The following SLC37A3 variants were observed in gnomAD, a reference collection of about 807,000 sequenced individuals.
SLC37A3 encodes solute carrier family 37 member 3, also known as sugar phosphate exchanger 3.
Under a neutral mutation model 67.1 loss-of-function variants are expected in SLC37A3, and 51 were observed. The observed-to-expected ratio is 0.76, with a 90% CI of 0.61 to 0.96. SLC37A3 has a LOEUF of 0.96. SLC37A3 is among the 40% of genes least tolerant of loss of function. The probability of loss-of-function intolerance (pLI) is 0.00; values close to 1 mark genes in which losing one functional copy is unlikely to be tolerated. For synonymous variants in SLC37A3, 214 were observed against 231.4 expected (o/e 0.92, Z 0.68); for missense variants, 508 against 603.0 (o/e 0.84, Z 1.65).
At chr7:140,386,475 A>ATAATAATAATAATAC (rs1275316182) in intron 1 of SLC37A3, among the ~76,000 whole-genome samples, 3 of 150,986 alleles carry the variant, frequency 2.0e-5, no homozygotes, top group Non-Finnish European at 4.4e-5. Flanking sequence ...AATAATAATA[A>ATAATAATAATAATAC]TACCTTGCAC....
intron 4 of SLC37A3, 85 bp from the exon 5 acceptor site, chr7:140,364,576 A>G: frequency 8.2e-7 from 1 of 1,216,052 alleles, no homozygotes; most frequent in Non-Finnish European, 1.2e-6. Flanking sequence ...AATGAGACAA[A>G]CACAGATATT....
chr7:140,362,586 G>A (rs1226591335), intron 5 of SLC37A3, among the ~76,000 whole-genome samples: 9 of 87,220 alleles, frequency 1.0e-4, no homozygotes, highest in South Asian at 4.5e-4. Context: ...CGCCCCGTCC[G>A]GGAGGTGAGG....
chr7:140,361,336 G>C (rs1162668615), intron 5 of SLC37A3, among the ~76,000 whole-genome samples: 6 of 152,018 alleles, frequency 3.9e-5, no homozygotes, highest in African/African-American at 1.4e-4. Context: ...AAAAAAGTTA[G>C]TCAGGTGTGG....
rs192545915 is a variant in SLC37A3, at chr7:140,369,642, G to A, written c.239C>T (p.Ala80Val). ...SNHLFPSAEK[A>V]TLFLGTLDTI... ...ATCCAGTGTGCCGAGGAAAAGAGTC[G>A]CTTTCTCTGCACTGGGGAACAAATG... is the stretch of plus-strand genomic sequence containing the variant. Residue 80 changes from alanine to valine, a missense_variant, in exon 4 of 15, where the codon GCG becomes GTG. Coordinates refer to ENST00000326232, the MANE Select transcript of SLC37A3 (RefSeq NM_207113.3). 48 of 1,613,964 alleles carry A rather than the reference G, an allele frequency of 3.0e-5. No individual in the cohort carries two copies. Among genetic ancestry groups the A allele is most frequent in the Non-Finnish European group, 3.4e-5 (40 of 1,179,970 alleles).
intron 9 of SLC37A3, among the ~76,000 whole-genome samples, chr7:140,349,026 T>C (rs889929625): frequency 6.6e-6 from 1 of 152,194 alleles, no homozygotes; most frequent in Non-Finnish European, 1.5e-5. Flanking sequence ...CTTAGCTGTG[T>C]CCAGTTTCTC....
At chr7:140,386,537 A>C (rs1798458299) in intron 1 of SLC37A3, among the ~76,000 whole-genome samples, 1 of 151,880 alleles carries the variant, frequency 6.6e-6, no homozygotes, top group Non-Finnish European at 1.5e-5. Context: ...GAGCTCAGGG[A>C]CCCTGGGGTG....
chr7:140,335,136 CG>C lies in SLC37A3; in HGVS notation c.*275del. 7.9e-7 allele frequency: 1 copy of C among 1,267,944 alleles called. No homozygotes were observed. The allele number at this position is 1,267,944 out of a possible 1,614,324, so 78.5% of individuals were successfully genotyped here. ...AACCTCAATAGGCCAAACAAAGACG[CG>C]GGCAGAGTCAGAGGTCAAAGATGCT... On this transcript the variant is annotated 3_prime_UTR_variant, in exon 15 of 15. Coordinates refer to ENST00000326232, the MANE Select transcript of SLC37A3 (RefSeq NM_207113.3).
At chr7:140,352,182 C>T (rs1210724839) in intron 7 of SLC37A3, 36 bp from the exon 8 acceptor site, 1 of 1,304,430 alleles carries the variant, frequency 7.7e-7, no homozygotes, top group East Asian at 4.4e-5. Flanking sequence ...CCTTACATAT[C>T]TGGGGACAGT....
At chr7:140,368,758 C>T (rs1797706082) in intron 4 of SLC37A3, among the ~76,000 whole-genome samples, 2 of 152,130 alleles carry the variant, frequency 1.3e-5, no homozygotes, top group Admixed American at 1.3e-4. Context: ...TCTCCCCAGT[C>T]TCCCCTCTGC....
chr7:140,358,504 C>A lies in SLC37A3; in HGVS notation c.521+136G>T. 1 of 1,233,526 alleles carries A rather than the reference C, an allele frequency of 8.1e-7. No individual in the cohort carries two copies. 76.4% of individuals were successfully genotyped at this position (1,233,526 alleles called of 1,614,324 possible). A position where few individuals can be genotyped will look rare whatever the true frequency, so the allele number is the denominator to read the frequency against. On this transcript the variant is annotated intron_variant, in intron 6 of 14. Transcript: ENST00000326232. ...GCACACTGACGTGAAACCCTCTCTC[C>A]CTGAACAACTCTGACTTGCTAACGA...
chr7:140,366,864 G>A (rs963845463), intron 4 of SLC37A3, among the ~76,000 whole-genome samples: 5 of 152,340 alleles, frequency 3.3e-5, no homozygotes, highest in South Asian at 4.1e-4. Flanking sequence ...GCTGGGCGCA[G>A]TGGCTCACAC....
In SLC37A3 at chr7:140,343,433, G is replaced by A. The variant is rs567907948; in HGVS notation, c.1305C>T (p.Ser435=). ...TCACCTGGCCCACTGCAGCTCCAATGCTCCCCGAACCATCCACAATTCCTG... is the reference window on the plus strand; with the variant it reads ...TCACCTGGCCCACTGCAGCTCCAATACTCCCCGAACCATCCACAATTCCTG... ...TVTGIVDGSG[S]IGAAVGQYLV... The change falls in exon 13 of 15, where the codon AGC becomes AGT. Residue 435 remains serine, a synonymous_variant. Transcript: ENST00000326232. 9.5e-5 allele frequency: 154 copies of A among 1,613,806 alleles called. No homozygotes were observed. In the South Asian group the frequency reaches 1.6e-3, roughly 17 times the overall value.
chr7:140,359,862 A>G (rs1465989866), intron 5 of SLC37A3, among the ~76,000 whole-genome samples: 1 of 152,214 alleles, frequency 6.6e-6, no homozygotes, highest in East Asian at 1.9e-4. Flanking sequence ...CAATATGCTT[A>G]AAAAGGGCAA....
At position 140,382,068 on chromosome 7, in the gene SLC37A3, A is replaced by T. The variant is rs369980737; in HGVS notation, c.89+370T>A. ...TTTTAAAAAAAAAAAAGTACAAAATAAAAAAAAAAATAGATCAGGGCTTCT... is the reference window on the plus strand; with the variant it reads ...TTTTAAAAAAAAAAAAGTACAAAATTAAAAAAAAAATAGATCAGGGCTTCT... On this transcript the variant is annotated intron_variant, in intron 2 of 14. Transcript: ENST00000326232. Among the ~76,000 whole-genome samples, 173 of 148,074 alleles carry T rather than the reference A, an allele frequency of 1.2e-3. 2 individuals carry two copies. In the East Asian group the frequency reaches 0.022, roughly 18 times the overall value.
chr7:140,369,374 T>G (rs1164730090), intron 4 of SLC37A3, among the ~76,000 whole-genome samples: 2 of 152,212 alleles, frequency 1.3e-5, no homozygotes, highest in Non-Finnish European at 2.9e-5. Context: ...TTTTGTGTTG[T>G]TCGGGATAAA....
At chr7:140,338,783 T>C (rs1296192056) in intron 13 of SLC37A3, among the ~76,000 whole-genome samples, 1 of 146,170 alleles carries the variant, frequency 6.8e-6, no homozygotes, top group African/African-American at 2.5e-5. Context: ...TTCTTTCTTT[T>C]TAAATGGAGT....
chr7:140,367,239 C>T (rs1797638582), intron 4 of SLC37A3, among the ~76,000 whole-genome samples: 1 of 152,012 alleles, frequency 6.6e-6, no homozygotes, highest in African/African-American at 2.4e-5. Context: ...GAGTTTGAGA[C>T]CAGCCTGGCC....
intron 1 of SLC37A3, among the ~76,000 whole-genome samples, chr7:140,396,949 T>C (rs1406883328): frequency 2.0e-5 from 3 of 147,392 alleles, no homozygotes; most frequent in Non-Finnish European, 4.5e-5. Flanking sequence ...CGCCTGTAAT[T>C]ACAGCGCTTT....
intron 9 of SLC37A3, among the ~76,000 whole-genome samples, chr7:140,349,064 G>T (rs2117065152): frequency 6.6e-6 from 1 of 152,296 alleles, no homozygotes; most frequent in African/African-American, 2.4e-5. Flanking sequence ...GTAGAAGCAA[G>T]CCAGTGTTTT....
Sources: allele counts gnomAD v4.1 joint callset (sites outside exome capture counted in the v4.1 genomes callset), GRCh38; gene constraint gnomAD v4.1.1; transcripts MANE v1.5; gene names NCBI Gene and HGNC (gene_info 2026-07-23, HGNC 2026-07-21).